The following DYNC1I1 variants were observed in gnomAD, a reference collection of about 807,000 sequenced individuals.
The protein encoded by DYNC1I1 is cytoplasmic dynein 1 intermediate chain 1.
Under a neutral mutation model 86.6 loss-of-function variants are expected in DYNC1I1, and 43 were observed. That is an observed-to-expected ratio of 0.50 (90% CI 0.39 to 0.64). The LOEUF (loss-of-function observed/expected upper bound fraction) is 0.64. Ranked by LOEUF, DYNC1I1 falls within the 30% of genes least tolerant of loss-of-function variation. The pLI is 0.00. For synonymous variants in DYNC1I1, 262 were observed against 283.7 expected (o/e 0.92, Z 0.77); for missense variants, 604 against 788.8 (o/e 0.77, Z 2.81).
rs1385766903 is a variant in DYNC1I1 at position 96,080,467 on chromosome 7, T to C, written c.1755T>C (p.Ile585=). The change falls in exon 16 of 17, where the codon ATT becomes ATC. Residue 585 remains isoleucine (I), a synonymous_variant. Transcript: ENST00000447467. ...CTGTTGGGGACTCGGAAGGCCGTATTTGGGTCTATGACGTTGGAGAGGTAC... is the reference window on the plus strand; with the variant it reads ...CTGTTGGGGACTCGGAAGGCCGTATCTGGGTCTATGACGTTGGAGAGGTAC... The part of the protein sequence containing the change: ...EVAVGDSEGR[I]WVYDVGELAV... The C allele has an allele frequency of 6.2e-7, 1 of 1,614,156 alleles. No homozygotes were observed. Among genetic ancestry groups the C allele is most frequent in the Non-Finnish European group, 8.5e-7 (1 of 1,180,020 alleles).
At chr7:96,078,644 G>T (rs373395835) in intron 15 of DYNC1I1, among the ~76,000 whole-genome samples, 13 of 151,926 alleles carry the variant, frequency 8.6e-5, no homozygotes, top group Admixed American at 2.6e-4. Flanking sequence ...TATTTTCAGT[G>T]ATTTTTTTGT....
chr7:95,810,455 G>A lies in DYNC1I1; in HGVS notation c.172G>A (p.Glu58Lys). The A allele has an allele frequency of 6.2e-7, 1 of 1,613,168 alleles. No individual in the cohort carries two copies. The highest frequency in any genetic ancestry group is 8.5e-7 in the Non-Finnish European group (1 of 1,179,444). ...DDSDLDRKRR[E>K]TEALLQSIGI... Reference sequence around the variant, plus strand: ...CTCTGATCTGGATCGCAAACGACGAGAGACAGAGGCTTTGCTGCAAAGCAT... The same window carrying A: ...CTCTGATCTGGATCGCAAACGACGAAAGACAGAGGCTTTGCTGCAAAGCAT... The change falls in exon 3 of 17, where the codon GAG (glutamate) becomes AAG (lysine). Residue 58 changes from glutamate (E) to lysine (K), a missense_variant. Coordinates refer to ENST00000447467, the MANE Select transcript of DYNC1I1 (RefSeq NM_001135556.2).
intron 14 of DYNC1I1, among the ~76,000 whole-genome samples, chr7:96,050,070 A>G (rs1789357220): frequency 6.6e-6 from 1 of 152,058 alleles, no homozygotes; most frequent in Non-Finnish European, 1.5e-5. Context: ...CAAAAAGATA[A>G]CCAGAAAAGA....
At chr7:95,920,595 G>A (rs528298797) in intron 6 of DYNC1I1, among the ~76,000 whole-genome samples, 5 of 152,198 alleles carry the variant, frequency 3.3e-5, no homozygotes, top group South Asian at 4.2e-4. Context: ...TATTGCCTTC[G>A]CAAGTTTTCT....
intron 6 of DYNC1I1, among the ~76,000 whole-genome samples, chr7:95,951,886 GTA>G (rs1452652652): frequency 6.6e-6 from 1 of 152,088 alleles, no homozygotes; most frequent in African/African-American, 2.4e-5. Flanking sequence ...CTTCTTTTCT[GTA>G]TATGTTTCTC....
chr7:95,900,444 A>G (rs1003277326), intron 6 of DYNC1I1, among the ~76,000 whole-genome samples: 5 of 152,116 alleles, frequency 3.3e-5, no homozygotes, highest in Non-Finnish European at 1.5e-5. Context: ...TATACACATT[A>G]CTTTAGAAAG....
intron 1 of DYNC1I1, among the ~76,000 whole-genome samples, chr7:95,777,456 C>G (rs1793871860): frequency 6.6e-6 from 1 of 152,218 alleles, no homozygotes; most frequent in African/African-American, 2.4e-5. Context: ...ATCCGGAACA[C>G]TGACTTGCTT....
chr7:95,870,183 A>G (rs1413692353), intron 6 of DYNC1I1, among the ~76,000 whole-genome samples, 185 bp downstream of exon 6: 1 of 152,240 alleles, frequency 6.6e-6, no homozygotes, highest in Non-Finnish European at 1.5e-5. Context: ...ATACTCTTCC[A>G]AGTGACCTGG....
chr7:95,803,929 G>A (rs926665119), intron 1 of DYNC1I1, among the ~76,000 whole-genome samples: 6 of 152,016 alleles, frequency 3.9e-5, no homozygotes, highest in East Asian at 1.9e-4. Context: ...TACCAGCATC[G>A]TCATCATGAT....
At position 95,933,951 on chromosome 7, in the gene DYNC1I1, G is replaced by T. The variant is rs548629638; in HGVS notation, c.491-43561G>T. Among the ~76,000 whole-genome samples, 10 of 152,196 alleles carry T rather than the reference G, an allele frequency of 6.6e-5. No homozygotes were observed. The South Asian group carries it at 2.1e-3, about 32-fold the overall frequency. On this transcript the variant is annotated intron_variant, in intron 6 of 16. Coordinates refer to ENST00000447467, the MANE Select transcript of DYNC1I1 (RefSeq NM_001135556.2). ...ATTCAGTCTGGGATCACCCATTGGT[G>T]CCAATGAAAGATTAGCCTAGAGAAC...
At chr7:96,045,051 T>C (rs1390245603) in intron 14 of DYNC1I1, among the ~76,000 whole-genome samples, 1 of 151,852 alleles carries the variant, frequency 6.6e-6, no homozygotes, top group Non-Finnish European at 1.5e-5. Flanking sequence ...AATTGGGAGA[T>C]ATGGACAAGA....
chr7:96,055,469 T>C (rs546976911), intron 14 of DYNC1I1, among the ~76,000 whole-genome samples: 14 of 152,258 alleles, frequency 9.2e-5, no homozygotes, highest in Non-Finnish European at 1.6e-4. Flanking sequence ...ATTCTTATTA[T>C]AGTTATTCTT....
At chr7:95,793,534 C>A (rs1794362538) in intron 1 of DYNC1I1, among the ~76,000 whole-genome samples, 6 of 152,052 alleles carry the variant, frequency 3.9e-5, no homozygotes, top group Admixed American at 3.9e-4. Context: ...TGGGGAGTCT[C>A]TGGGTCAGAG....
chr7:95,861,939 G>A (rs542301911), intron 5 of DYNC1I1, among the ~76,000 whole-genome samples: 8 of 152,192 alleles, frequency 5.3e-5, no homozygotes, highest in Admixed American at 5.2e-4. Flanking sequence ...CTTTTTCCCT[G>A]TTCAATATTA....
chr7:95,825,798 A>G (rs1425191119), intron 4 of DYNC1I1, among the ~76,000 whole-genome samples: 1 of 152,226 alleles, frequency 6.6e-6, no homozygotes, highest in Non-Finnish European at 1.5e-5. Flanking sequence ...TGCTTTCTGC[A>G]TGCTGACTAC....
At chr7:96,069,258 A>G (rs1408141566) in intron 14 of DYNC1I1, among the ~76,000 whole-genome samples, 1 of 152,196 alleles carries the variant, frequency 6.6e-6, no homozygotes, top group South Asian at 2.1e-4. Flanking sequence ...GAGCAAAGCA[A>G]TCAAAGGGGG....
At chr7:95,799,672 C>T (rs1233924536) in intron 1 of DYNC1I1, among the ~76,000 whole-genome samples, 1 of 151,536 alleles carries the variant, frequency 6.6e-6, no homozygotes, top group East Asian at 1.9e-4. Context: ...TCCCTTTTCC[C>T]ACATGCCTTC....
chr7:95,940,844 A>G (rs1792191626), intron 6 of DYNC1I1, among the ~76,000 whole-genome samples: 1 of 152,046 alleles, frequency 6.6e-6, no homozygotes, highest in African/African-American at 2.4e-5. Context: ...GCTGGTGAGG[A>G]GCTACGTTCC....
intron 6 of DYNC1I1, among the ~76,000 whole-genome samples, chr7:95,970,438 T>C (rs1223836442): frequency 6.6e-6 from 1 of 152,086 alleles, no homozygotes; most frequent in African/African-American, 2.4e-5. Flanking sequence ...TCATTGAGGG[T>C]CAAGCCATCC....
Sources: gnomAD v4.1 joint callset for allele counts (sites outside exome capture counted in the v4.1 genomes callset) on GRCh38, gnomAD v4.1.1 for gene constraint, MANE v1.5 for transcripts, NCBI Gene and HGNC (gene_info 2026-07-23, HGNC 2026-07-21) for gene names.